The following RALYL variants were observed in gnomAD, a reference collection of about 807,000 sequenced individuals.
The protein encoded by RALYL is RALY RNA binding protein like.
Under a neutral mutation model 35.1 loss-of-function variants are expected in RALYL, and 29 were observed. That is an observed-to-expected ratio of 0.83 (90% CI 0.61 to 1.13). The LOEUF is 1.13. Among genes scored for constraint, RALYL ranks in the 50% most tolerant of loss-of-function variants. RALYL has a pLI of 0.00. For missense variants in RALYL, 359 were observed against 360.4 expected (o/e 1.00, Z 0.03); for synonymous variants, 120 against 127.6 (o/e 0.94, Z 0.40).
chr8:84,369,204 T>C (rs918643979), intron 1 of RALYL, among the ~76,000 whole-genome samples: 1 of 152,146 alleles, frequency 6.6e-6, no homozygotes, highest in East Asian at 1.9e-4. Flanking sequence ...GCAGCCCTGA[T>C]TATTTACTGA....
intron 2 of RALYL, among the ~76,000 whole-genome samples, chr8:84,658,011 C>T (rs1472355595): frequency 6.6e-6 from 1 of 152,094 alleles, no homozygotes; most frequent in Non-Finnish European, 1.5e-5. Context: ...GTTGAGTTCC[C>T]AGCAATAACA....
At chr8:84,670,768 C>T (rs1833052823) in intron 2 of RALYL, among the ~76,000 whole-genome samples, 1 of 152,272 alleles carries the variant, frequency 6.6e-6, no homozygotes, top group East Asian at 1.9e-4. Flanking sequence ...TCTGAAGACA[C>T]ATTAGGGATT....
intron 1 of RALYL, among the ~76,000 whole-genome samples, chr8:84,485,158 T>C (rs762405002): frequency 1.3e-5 from 2 of 152,164 alleles, no homozygotes; most frequent in Non-Finnish European, 2.9e-5. Context: ...ATACTCTGTC[T>C]TTTGGTGATC....
intron 2 of RALYL, among the ~76,000 whole-genome samples, chr8:84,556,164 TTAC>T (rs1164062790): frequency 2.6e-5 from 4 of 152,182 alleles, no homozygotes; most frequent in African/African-American, 9.7e-5. Context: ...TTATTGAAAA[TTAC>T]TATTTAAGTT....
intron 5 of RALYL, among the ~76,000 whole-genome samples, chr8:84,858,008 A>G (rs1837396099): frequency 6.6e-6 from 1 of 152,102 alleles, no homozygotes; most frequent in South Asian, 2.1e-4. Flanking sequence ...TTGTCCAAAA[A>G]CAATTATTGT....
chr8:84,245,048 A>G (rs1379583822), intron 1 of RALYL, among the ~76,000 whole-genome samples: 5 of 152,182 alleles, frequency 3.3e-5, no homozygotes, highest in African/African-American at 7.2e-5. Context: ...CTGCACATAT[A>G]GTATATATGC....
intron 2 of RALYL, among the ~76,000 whole-genome samples, chr8:84,749,976 G>A (rs1018816382): frequency 6.6e-6 from 1 of 152,144 alleles, no homozygotes; most frequent in Non-Finnish European, 1.5e-5. Flanking sequence ...AAATCACTGA[G>A]CTAAATTATT....
At chr8:84,256,635 A>G (rs940174715) in intron 1 of RALYL, among the ~76,000 whole-genome samples, 5 of 152,098 alleles carry the variant, frequency 3.3e-5, no homozygotes, top group Non-Finnish European at 7.4e-5. Context: ...AATCAGGGCA[A>G]TGTTATTTAT....
intron 2 of RALYL, among the ~76,000 whole-genome samples, chr8:84,556,719 G>C (rs1031015795): frequency 1.3e-5 from 2 of 152,034 alleles, no homozygotes; most frequent in African/African-American, 4.8e-5. Context: ...ACCTCTGAGT[G>C]GTGCTTTAAA....
intron 1 of RALYL, among the ~76,000 whole-genome samples, chr8:84,448,118 A>G (rs2049045985): frequency 6.6e-6 from 1 of 152,012 alleles, no homozygotes; most frequent in East Asian, 1.9e-4. Flanking sequence ...GTTTTCTGTT[A>G]AATTACTGGT....
At chr8:84,729,430 A>T (rs1236261045) in intron 2 of RALYL, among the ~76,000 whole-genome samples, 1 of 152,098 alleles carries the variant, frequency 6.6e-6, no homozygotes, top group African/African-American at 2.4e-5. Flanking sequence ...AGGAGAAAGC[A>T]GGAAAGATCC....
At chr8:84,189,447 G>A (rs1426467280) in intron 1 of RALYL, among the ~76,000 whole-genome samples, 4 of 152,064 alleles carry the variant, frequency 2.6e-5, no homozygotes, top group Non-Finnish European at 5.9e-5. Flanking sequence ...GAGTCATTTC[G>A]GAAATTATTA....
At chr8:84,616,614 A>G (rs1161419255) in intron 2 of RALYL, among the ~76,000 whole-genome samples, 1 of 150,796 alleles carries the variant, frequency 6.6e-6, no homozygotes, top group East Asian at 2.0e-4. Context: ...CCATTTGTCA[A>G]TTTTGGCTTT....
chr8:84,736,670 G>A (rs1231089400), intron 2 of RALYL, among the ~76,000 whole-genome samples: 1 of 151,974 alleles, frequency 6.6e-6, no homozygotes, highest in Non-Finnish European at 1.5e-5. Flanking sequence ...CTATTATCAG[G>A]TGATTCACAA....
chr8:84,432,456 G>A (rs2047246934), intron 1 of RALYL, among the ~76,000 whole-genome samples: 1 of 152,052 alleles, frequency 6.6e-6, no homozygotes, highest in African/African-American at 2.4e-5. Flanking sequence ...ATTAAATCAT[G>A]CCTAAGGTCA....
At chr8:84,202,622 T>C (rs570557194) in intron 1 of RALYL, among the ~76,000 whole-genome samples, 228 of 152,274 alleles carry the variant, frequency 1.5e-3, no homozygotes, top group African/African-American at 5.2e-3. Flanking sequence ...TCCACCCACC[T>C]TGGCCTCCCA....
At chr8:84,656,395 C>G (rs1316325018) in intron 2 of RALYL, among the ~76,000 whole-genome samples, 1 of 152,084 alleles carries the variant, frequency 6.6e-6, no homozygotes, top group Non-Finnish European at 1.5e-5. Context: ...ACCAGACTCA[C>G]TTAAATTAAT....
At chr8:84,601,510 A>G (rs1437768857) in intron 2 of RALYL, among the ~76,000 whole-genome samples, 2 of 152,028 alleles carry the variant, frequency 1.3e-5, no homozygotes, top group African/African-American at 4.8e-5. Flanking sequence ...TACTAATGGG[A>G]TTTAAATTAG....
intron 2 of RALYL, among the ~76,000 whole-genome samples, chr8:84,574,067 C>T (rs1261308749): frequency 6.6e-6 from 1 of 151,880 alleles, no homozygotes; most frequent in East Asian, 1.9e-4. Flanking sequence ...ATGTTGATGT[C>T]ATTGTTGAGT....
Sources: allele counts gnomAD v4.1 joint callset (sites outside exome capture counted in the v4.1 genomes callset), GRCh38; gene constraint gnomAD v4.1.1; transcripts MANE v1.5; gene names NCBI Gene and HGNC (gene_info 2026-07-23, HGNC 2026-07-21).